Variants in TNR observed in about 807,000 individuals in gnomAD.
TNR encodes tenascin-R.
In TNR, 45 loss-of-function variants were observed where a neutral mutation model predicts 150.4. The observed-to-expected ratio is 0.30, with a 90% CI of 0.24 to 0.38. The LOEUF (loss-of-function observed/expected upper bound fraction) is 0.38. Among genes scored for constraint, TNR ranks in the 10% least tolerant of loss-of-function variants. TNR has a pLI of 1.00. For missense variants in TNR, 1,544 were observed against 1,759.1 expected, an observed-to-expected ratio of 0.88 and a Z score of 2.19; for synonymous variants, 687 against 678.4, an observed-to-expected ratio of 1.01 and a Z score of -0.20.
At chr1:175,642,791 C>T (rs555157470) in intron 1 of TNR, among the ~76,000 whole-genome samples, 18 of 152,148 alleles carry the variant, frequency 1.2e-4, no homozygotes, top group South Asian at 8.3e-4. Flanking sequence ...ATTAGCCAGG[C>T]GCAGTGGCAT....
At chr1:175,652,368 T>G (rs1405588649) in intron 1 of TNR, among the ~76,000 whole-genome samples, 3 of 151,938 alleles carry the variant, frequency 2.0e-5, no homozygotes, top group East Asian at 3.9e-4. Context: ...GCAGACAAAA[T>G]TCACAGGTAG....
intron 1 of TNR, among the ~76,000 whole-genome samples, chr1:175,725,655 T>C (rs1402910110): frequency 1.3e-5 from 2 of 152,038 alleles, no homozygotes; most frequent in Admixed American, 6.6e-5. Context: ...GTGGGGAAAA[T>C]AGGTACTTGT....
At chr1:175,625,030 C>T (rs2101868002) in intron 1 of TNR, among the ~76,000 whole-genome samples, 1 of 152,244 alleles carries the variant, frequency 6.6e-6, no homozygotes, top group South Asian at 2.1e-4. Flanking sequence ...CTAAGCTTGG[C>T]CAGAAGTACT....
At chr1:175,723,483 C>T (rs922181942) in intron 1 of TNR, among the ~76,000 whole-genome samples, 6 of 152,172 alleles carry the variant, frequency 3.9e-5, no homozygotes, top group East Asian at 1.9e-4. Context: ...TCTATCCTTG[C>T]TCTTTTGGAG....
intron 1 of TNR, among the ~76,000 whole-genome samples, chr1:175,579,231 G>GCCTA (rs2102226983): frequency 8.6e-6 from 1 of 115,616 alleles, no homozygotes; most frequent in African/African-American, 3.3e-5. Flanking sequence ...CTTCTTGCCT[G>GCCTA]CCTACCTGCC....
rs74127386 is a variant in TNR, at chr1:175,647,976, C to T, written c.-165+95250G>A. On this transcript the variant is annotated intron_variant, in intron 1 of 22. Transcript: ENST00000367674. ...TTGGCTCACCTTATTTCCCCATTAG[C>T]GTGCCCTTCCCACCTTCAGCTTGAG... 1.3e-3 allele frequency among the ~76,000 whole-genome samples: 193 copies of T among 152,208 alleles called. 1 individual carries two copies. The highest frequency in any genetic ancestry group is 4.5e-3 in the African/African-American group (185 of 41,522).
chr1:175,696,879 CAAAA>C (rs66502339), intron 1 of TNR, among the ~76,000 whole-genome samples: 6 of 110,614 alleles, frequency 5.4e-5, no homozygotes, highest in Admixed American at 1.8e-4. Context: ...AACTCCATCT[CAAAA>C]AAAAAAAAAA....
At chr1:175,480,874 G>A (rs926282235) in intron 2 of TNR, among the ~76,000 whole-genome samples, 1 of 151,982 alleles carries the variant, frequency 6.6e-6, no homozygotes, top group Non-Finnish European at 1.5e-5. Context: ...CATGTTAGAA[G>A]CATATCCTAG....
chr1:175,360,987 A>G (rs1327126836), intron 14 of TNR, among the ~76,000 whole-genome samples: 2 of 152,220 alleles, frequency 1.3e-5, no homozygotes, highest in African/African-American at 4.8e-5. Flanking sequence ...AAAGGAGGGC[A>G]GTTTGGATGG....
chr1:175,358,603 G>A (rs1398983997), intron 15 of TNR, among the ~76,000 whole-genome samples: 1 of 152,110 alleles, frequency 6.6e-6, no homozygotes, highest in African/African-American at 2.4e-5. Flanking sequence ...TGGTATCTTT[G>A]TTCTCTGGAT....
At chr1:175,651,530 C>A (rs889830418) in intron 1 of TNR, among the ~76,000 whole-genome samples, 1 of 151,870 alleles carries the variant, frequency 6.6e-6, no homozygotes, top group Non-Finnish European at 1.5e-5. Flanking sequence ...AAAATATATA[C>A]ACTTCAAAAA....
intron 1 of TNR, among the ~76,000 whole-genome samples, chr1:175,730,134 G>A (rs1243137430): frequency 6.6e-6 from 1 of 151,956 alleles, no homozygotes; most frequent in African/African-American, 2.4e-5. Flanking sequence ...CTGCATGAAG[G>A]CCCAATGCTT....
chr1:175,356,208 A>C lies in TNR; in HGVS notation c.3118+111T>G, dbSNP rs562023270. 60 of 1,440,782 alleles carry C rather than the reference A, an allele frequency of 4.2e-5. No homozygotes were observed. The Admixed American group carries it at 8.7e-4, about 21-fold the overall frequency. 89.2% of individuals were successfully genotyped at this position (1,440,782 alleles called of 1,614,324 possible). A position where few individuals can be genotyped will look rare whatever the true frequency, so the allele number is the denominator to read the frequency against. On this transcript the variant is annotated intron_variant, in intron 16 of 22. Coordinates refer to ENST00000367674, the MANE Select transcript of TNR (RefSeq NM_003285.3). ...TAGTCAGTCCAAATAAGAACAGCTC[A>C]TAGCTGCCCTGTCCAAAGCCTGTAA...
rs932317285 is a variant in TNR at position 175,515,308 on chromosome 1, G to C, written c.-64+12961C>G. Among the ~76,000 whole-genome samples, 6 of 152,210 alleles carry C rather than the reference G, an allele frequency of 3.9e-5. No individual in the cohort carries two copies. The East Asian group carries it at 1.2e-3, about 29-fold the overall frequency. On this transcript the variant is annotated intron_variant, in intron 2 of 22. Transcript: ENST00000367674. ...AAGGAGATGTCAATCTAGTTGAAGA[G>C]AAAGATCTGTGCTCCCGCATATAGT...
chr1:175,716,046 G>A lies in TNR; in HGVS notation c.-165+27180C>T, dbSNP rs151195248. ...CTCTGTTGCCCATTGCCCATCCCCC[G>A]CAGACACTGGCCTTGGCTAATGCAA... On this transcript the variant is annotated intron_variant, in intron 1 of 22. Transcript: ENST00000367674. 6.6e-5 allele frequency among the ~76,000 whole-genome samples: 10 copies of A among 152,230 alleles called. No individual in the cohort carries two copies. In the South Asian group the frequency reaches 1.0e-3, roughly 16 times the overall value.
intron 2 of TNR, among the ~76,000 whole-genome samples, chr1:175,459,664 TG>T (rs1656726753): frequency 6.6e-6 from 1 of 152,040 alleles, no homozygotes; most frequent in Admixed American, 6.6e-5. Flanking sequence ...TTCCAGGAGG[TG>T]GGGTGGCAGC....
intron 1 of TNR, among the ~76,000 whole-genome samples, chr1:175,562,737 T>C (rs1157415302): frequency 1.3e-5 from 2 of 152,332 alleles, no homozygotes; most frequent in African/African-American, 2.4e-5. Flanking sequence ...GCAGACTGTC[T>C]GACAAGGGAC....
intron 1 of TNR, among the ~76,000 whole-genome samples, chr1:175,716,041 C>G (rs1667148762): frequency 6.6e-6 from 1 of 152,166 alleles, no homozygotes; most frequent in African/African-American, 2.4e-5. Flanking sequence ...CATTGCCCAT[C>G]CCCCGCAGAC....
chr1:175,440,408 G>A (rs1655729625), intron 2 of TNR, among the ~76,000 whole-genome samples: 2 of 151,540 alleles, frequency 1.3e-5, no homozygotes, highest in Non-Finnish European at 2.9e-5. Context: ...ATAGCATTAG[G>A]AAATACACCT....
Sources: gnomAD v4.1 joint callset for allele counts (sites outside exome capture counted in the v4.1 genomes callset) on GRCh38, gnomAD v4.1.1 for gene constraint, MANE v1.5 for transcripts, NCBI Gene and HGNC (gene_info 2026-07-23, HGNC 2026-07-21) for gene names.